ROBO2: variants seen among roughly 807,000 people sequenced by gnomAD.
The protein encoded by ROBO2 is roundabout homolog 2.
In ROBO2, 53 loss-of-function variants were observed where a neutral mutation model predicts 160.8. That is an observed-to-expected ratio of 0.33 (90% CI 0.26 to 0.41). The LOEUF is 0.41. ROBO2 is among the 10% of genes least tolerant of loss of function. ROBO2 has a pLI of 1.00. For missense variants in ROBO2, 1,577 were observed against 1,722.4 expected (o/e 0.92, Z 1.49); for synonymous variants, 664 against 611.7 (o/e 1.09, Z -1.26).
At chr3:76,031,295 A>T (rs1232951049) in intron 2 of ROBO2, among the ~76,000 whole-genome samples, 3 of 152,204 alleles carry the variant, frequency 2.0e-5, no homozygotes, top group African/African-American at 7.2e-5. Context: ...AATATAAATC[A>T]TGTCATATGC....
Position 76,211,863 on chromosome 3 carries a change from T to C in ROBO2, c.109+274261T>C, listed in dbSNP as rs942430728. Among the ~76,000 whole-genome samples, 17 of 152,104 alleles carry C rather than the reference T, an allele frequency of 1.1e-4. No homozygotes were observed. In the East Asian group the frequency reaches 3.3e-3, roughly 29 times the overall value. On this transcript the variant is annotated intron_variant, in intron 2 of 26. Coordinates refer to the ROBO2 transcript ENST00000487694. ...TAAAGTATATCAGAGTAGTTGCAAA[T>C]TAGCTGGATTTAGGATTTTGTCTGG...
intron 2 of ROBO2, among the ~76,000 whole-genome samples, chr3:76,064,282 G>A (rs1053124576): frequency 4.6e-5 from 7 of 152,154 alleles, no homozygotes; most frequent in Admixed American, 4.6e-4. Flanking sequence ...TGCAGCAGGG[G>A]GAAACTGACA....
At chr3:77,442,631 A>T (rs775097860) in intron 2 of ROBO2, among the ~76,000 whole-genome samples, 91 of 152,198 alleles carry the variant, frequency 6.0e-4, no homozygotes, top group Admixed American at 2.9e-3. Context: ...TGTATCAGTT[A>T]GTAGCAGTGA....
In ROBO2 at chr3:76,865,311, G is replaced by T. The variant is rs567565529; in HGVS notation, c.110-232703G>T. Reference sequence around the variant, plus strand: ...AATTACTAGAAAAATAAAATGAAAAGATCAAGTTATGCAGATTAAAATGAG... The same window carrying T: ...AATTACTAGAAAAATAAAATGAAAATATCAAGTTATGCAGATTAAAATGAG... On this transcript the variant is annotated intron_variant, in intron 2 of 26. Transcript: ENST00000487694. 3.3e-5 allele frequency among the ~76,000 whole-genome samples: 5 copies of T among 152,184 alleles called. No homozygotes were observed. The South Asian group carries it at 8.3e-4, about 25-fold the overall frequency.
chr3:76,122,011 C>T (rs977737078), intron 2 of ROBO2, among the ~76,000 whole-genome samples: 3 of 152,188 alleles, frequency 2.0e-5, no homozygotes, highest in African/African-American at 4.8e-5. Context: ...TTACCCCATA[C>T]AGTTGACATG....
chr3:77,646,109 A>G, exon 26 of ROBO2: 1 of 1,409,076 alleles, frequency 7.1e-7, no homozygotes, highest in Non-Finnish European at 1.0e-6. Flanking sequence ...GTCCGGACTC[A>G]TGGAAGTGAT....
chr3:77,498,261 C>A (rs971086966), intron 5 of ROBO2, among the ~76,000 whole-genome samples: 5 of 152,008 alleles, frequency 3.3e-5, no homozygotes, highest in African/African-American at 1.2e-4. Flanking sequence ...TCTTCCACAG[C>A]CGAGAAAGGA....
At chr3:76,971,567 A>T in intron 2 of ROBO2, among the ~76,000 whole-genome samples, 1 of 152,172 alleles carries the variant, frequency 6.6e-6, no homozygotes, top group Non-Finnish European at 1.5e-5. Context: ...AAAAATAAAT[A>T]AAAAGGGTAC....
chr3:77,520,571 G>T (rs2090490688), intron 5 of ROBO2, among the ~76,000 whole-genome samples: 1 of 150,952 alleles, frequency 6.6e-6, no homozygotes, highest in African/African-American at 2.4e-5. Flanking sequence ...ATCCAGAAAA[G>T]ACTTTTTAGA....
chr3:77,126,102 T>C (rs982605484), intron 2 of ROBO2, among the ~76,000 whole-genome samples: 1 of 152,220 alleles, frequency 6.6e-6, no homozygotes, highest in African/African-American at 2.4e-5. Flanking sequence ...AAGTTATACA[T>C]TCTAATTGAA....
At chr3:77,277,508 G>A (rs1472084464) in intron 2 of ROBO2, among the ~76,000 whole-genome samples, 1 of 151,948 alleles carries the variant, frequency 6.6e-6, no homozygotes, top group Non-Finnish European at 1.5e-5. Context: ...ATGTGTCCAT[G>A]TGTTCTCATC....
At chr3:77,039,110 C>T (rs2063819109), upstream of ROBO2, among the ~76,000 whole-genome samples, 1 of 152,198 alleles carries the variant, frequency 6.6e-6, no homozygotes, top group Non-Finnish European at 1.5e-5. Flanking sequence ...TCCCCTTCCT[C>T]CTTCCCTTGG....
chr3:77,020,374 T>A (rs1468866143), intron 2 of ROBO2, among the ~76,000 whole-genome samples: 2 of 152,182 alleles, frequency 1.3e-5, no homozygotes, highest in African/African-American at 4.8e-5. Flanking sequence ...GTAAATGTTT[T>A]GTTTTTCTCA....
intron 1 of ROBO2, among the ~76,000 whole-genome samples, chr3:77,051,982 C>T (rs1200405332): frequency 6.6e-6 from 1 of 152,202 alleles, no homozygotes; most frequent in South Asian, 2.1e-4. Context: ...TTACTGAACC[C>T]TTTTTGATAA....
At chr3:76,932,423 AACAC>A (rs71104640) in intron 2 of ROBO2, among the ~76,000 whole-genome samples, 2 of 150,544 alleles carry the variant, frequency 1.3e-5, no homozygotes, top group Non-Finnish European at 3.0e-5. Context: ...TATGTTTAGA[AACAC>A]ACACACACAC....
At position 76,305,387 on chromosome 3, in the gene ROBO2, CAAAAAAAAAAAAAAAAAA is replaced by C. The variant is rs1166858558; in HGVS notation, c.109+367805_109+367822del. 8.8e-3 allele frequency among the ~76,000 whole-genome samples: 183 copies of C among 20,678 alleles called. 4 individuals are homozygous for C. The highest frequency in any genetic ancestry group is 0.04 in the African/African-American group (162 of 4,080). 13.6% of individuals were successfully genotyped at this position (20,678 alleles called of 152,430 possible). On this transcript the variant is annotated intron_variant, in intron 2 of 26. Transcript: ENST00000487694. ...GCCTGGGTGACAGAGCAAGATCTGT[CAAAAAAAAAAAAAAAAAA>C]AAAAAAAAAAAAAAAAAAAGAACAG...
chr3:77,529,231 C>T (rs143602544), intron 6 of ROBO2, among the ~76,000 whole-genome samples: 37 of 151,196 alleles, frequency 2.4e-4, no homozygotes, highest in South Asian at 8.3e-4. Flanking sequence ...AGATTGAGAA[C>T]GATCTGACAC....
At chr3:76,978,135 G>T (rs180988104) in intron 2 of ROBO2, among the ~76,000 whole-genome samples, 1 of 151,996 alleles carries the variant, frequency 6.6e-6, no homozygotes, top group Non-Finnish European at 1.5e-5. Context: ...TAAAAATTAA[G>T]GACACTTAGT....
intron 2 of ROBO2, among the ~76,000 whole-genome samples, chr3:76,555,468 AG>A (rs2083731752): frequency 6.8e-6 from 1 of 146,620 alleles, no homozygotes; most frequent in South Asian, 2.1e-4. Context: ...AAGAGGGAAA[AG>A]AAAAAATAGA....
Sources: allele counts gnomAD v4.1 joint callset (sites outside exome capture counted in the v4.1 genomes callset), GRCh38; gene constraint gnomAD v4.1.1; transcripts MANE v1.5; gene names NCBI Gene and HGNC (gene_info 2026-07-23, HGNC 2026-07-21).